The following ZNF514 variants were observed in gnomAD, a reference collection of about 807,000 sequenced individuals.
ZNF514 encodes zinc finger protein 514.
A neutral mutation model predicts 9.7 loss-of-function variants in ZNF514; 12 were observed. The observed-to-expected ratio is 1.24, with a 90% CI of 0.79 to 2.01. The LOEUF is 2.01. Ranked by LOEUF, ZNF514 falls within the 30% of genes most tolerant of loss-of-function variation. ZNF514 has a pLI of 0.00. For synonymous variants in ZNF514, 158 were observed against 163.7 expected (o/e 0.97, Z 0.27); for missense variants, 467 against 465.5 (o/e 1.00, Z -0.03).
downstream of ZNF514, among the ~76,000 whole-genome samples, chr2:95,144,818 G>C (rs1673321311): frequency 6.6e-6 from 1 of 152,066 alleles, no homozygotes; most frequent in South Asian, 2.1e-4. Flanking sequence ...GTGGGCTACT[G>C]TATCCTTAAC....
At chr2:95,128,460 G>A in the ZNF514 span, among the ~76,000 whole-genome samples, 2 of 151,964 alleles carry the variant, frequency 1.3e-5, no homozygotes, top group African/African-American at 4.8e-5. Context: ...GAGAGCTGAG[G>A]CAGGAGAATT....
At chr2:95,127,808 C>T in the ZNF514 span, among the ~76,000 whole-genome samples, 1 of 152,082 alleles carries the variant, frequency 6.6e-6, no homozygotes, top group Non-Finnish European at 1.5e-5. Context: ...AGGATTTTAG[C>T]CTGTTGGCCA....
chr2:95,125,859 G>A, the ZNF514 span, among the ~76,000 whole-genome samples: 3 of 152,134 alleles, frequency 2.0e-5, no homozygotes, highest in African/African-American at 7.2e-5. Flanking sequence ...CCATTCATCT[G>A]TCAATGGACA....
At chr2:95,141,571 T>C (rs974917010), downstream of ZNF514, among the ~76,000 whole-genome samples, 1 of 152,236 alleles carries the variant, frequency 6.6e-6, no homozygotes, top group African/African-American at 2.4e-5. Context: ...AACAGTCTTA[T>C]CACCAACAGG....
rs991838130 is a variant in ZNF514 at position 95,146,244 on chromosome 2, A to T, written c.*3038T>A. Among the ~76,000 whole-genome samples the T allele has an allele frequency of 2.6e-5, 4 of 152,248 alleles. No homozygotes were observed. Among genetic ancestry groups the T allele is most frequent in the Admixed American group, 6.5e-5 (1 of 15,284 alleles). On this transcript the variant is annotated 3_prime_UTR_variant, in exon 5 of 5. Coordinates refer to ENST00000295208, the MANE Select transcript of ZNF514 (RefSeq NM_032788.3). ...CAGGAAACAAGAAAGTGGTAAAGTG[A>T]TAAAAAATTATTTAAATAGATCAAG...
intron 3 of ZNF514, 142 bp downstream of exon 3, chr2:95,152,991 A>G (rs1673585748): frequency 1.7e-6 from 2 of 1,161,206 alleles, no homozygotes; most frequent in Non-Finnish European, 1.2e-6. Context: ...CTGGGCCCCA[A>G]AGAGAATGTA....
downstream of ZNF514, among the ~76,000 whole-genome samples, chr2:95,144,784 G>C (rs566921552): frequency 1.1e-4 from 17 of 152,286 alleles, 1 homozygote; most frequent in South Asian, 3.3e-3. Flanking sequence ...ATTCATGGCT[G>C]TTATCTGAAG....
intron 3 of ZNF514, 134 bp downstream of exon 3, chr2:95,152,999 G>T: frequency 8.2e-7 from 1 of 1,214,124 alleles, no homozygotes; most frequent in Non-Finnish European, 1.2e-6. Context: ...CAAAGAGAAT[G>T]TAAATGTCTG....
intron 2 of ZNF514, chr2:95,155,210 T>C (rs2104473916): frequency 6.6e-6 from 1 of 152,334 alleles, no homozygotes; most frequent in South Asian, 2.1e-4. Flanking sequence ...AGTATCATCT[T>C]CATATGACAC....
chr2:95,130,364 G>A, the ZNF514 span, among the ~76,000 whole-genome samples: 1 of 152,142 alleles, frequency 6.6e-6, no homozygotes, highest in Admixed American at 6.5e-5. Context: ...ATGAAGTTTC[G>A]GGCACCATTG....
intron 1 of ZNF514, 71 bp downstream of exon 1, chr2:95,159,169 C>T: frequency 7.7e-6 from 3 of 390,428 alleles, no homozygotes; most frequent in Non-Finnish European, 1.2e-5. Flanking sequence ...GGCCGGCAAA[C>T]CCCGGTGCGC....
chr2:95,138,116 A>G, the ZNF514 span, among the ~76,000 whole-genome samples: 1 of 152,224 alleles, frequency 6.6e-6, no homozygotes, highest in Non-Finnish European at 1.5e-5. Context: ...ACTATGAACC[A>G]GTTGAACCTC....
chr2:95,143,391 C>G (rs190344901), downstream of ZNF514, among the ~76,000 whole-genome samples: 4 of 152,042 alleles, frequency 2.6e-5, no homozygotes, highest in African/African-American at 4.8e-5. Flanking sequence ...GAGGCCGAGG[C>G]GGGTGAATCA....
At chr2:95,144,402 C>T (rs1361658859), downstream of ZNF514, among the ~76,000 whole-genome samples, 12 of 152,174 alleles carry the variant, frequency 7.9e-5, no homozygotes, top group African/African-American at 2.9e-4. Context: ...TTGAGTTCAA[C>T]TGTGAGGTCA....
chr2:95,153,435 T>G (rs1435213943), intron 2 of ZNF514, 176 bp from the exon 3 acceptor site: 10 of 503,940 alleles, frequency 2.0e-5, no homozygotes. Flanking sequence ...CTAGTTACAT[T>G]TAATTGGAAT....
chr2:95,150,224 C>A lies in ZNF514; in HGVS notation c.261G>T (p.Trp87Cys). The A allele has an allele frequency of 6.2e-7, 1 of 1,601,070 alleles. No individual in the cohort carries two copies. The highest frequency in any genetic ancestry group is 8.5e-7 in the Non-Finnish European group (1 of 1,176,798). Residue 87 changes from tryptophan to cysteine, a missense_variant, in exon 5 of 5, where the codon TGG becomes TGT. Trp to Cys is a radical substitution (Grantham distance 215). Coordinates refer to ENST00000295208, the MANE Select transcript of ZNF514 (RefSeq NM_032788.3). Reference sequence around the variant, plus strand: ...GGAATAATTCTTCTTTGGAAATTCCCCAACTTGGCATTGATTCCTTGGATT... The same window carrying A: ...GGAATAATTCTTCTTTGGAAATTCCACAACTTGGCATTGATTCCTTGGATT... ...RSKSKESMPS[W>C]GISKEELFQV...
chr2:95,135,007 T>C, the ZNF514 span, among the ~76,000 whole-genome samples: 1 of 152,248 alleles, frequency 6.6e-6, no homozygotes, highest in South Asian at 2.1e-4. Flanking sequence ...TATAGTAAGT[T>C]TTGAAATTAG....
At chr2:95,136,110 T>C in the ZNF514 span, among the ~76,000 whole-genome samples, 2 of 152,330 alleles carry the variant, frequency 1.3e-5, no homozygotes, top group East Asian at 3.9e-4. Context: ...TTATTCATTT[T>C]TGTATATTGA....
chr2:95,147,443 T>A lies in ZNF514; in HGVS notation c.*1839A>T, dbSNP rs1292428378. 1 of 152,198 alleles carries A rather than the reference T, an allele frequency of 6.6e-6. No individual in the cohort carries two copies. Among genetic ancestry groups the A allele is most frequent in the Non-Finnish European group, 1.5e-5 (1 of 68,040 alleles). 9.4% of individuals were successfully genotyped at this position (152,198 alleles called of 1,614,324 possible). A position where few individuals can be genotyped will look rare whatever the true frequency, so the allele number is the denominator to read the frequency against. On this transcript the variant is annotated 3_prime_UTR_variant, in exon 5 of 5. Coordinates refer to ENST00000295208, the MANE Select transcript of ZNF514 (RefSeq NM_032788.3). ...CCAAATCGTTCAACCATCACCACCA[T>A]CTAGTTTTAGAACATTTTCGTCACC...
Sources: allele counts gnomAD v4.1 joint callset (sites outside exome capture counted in the v4.1 genomes callset), GRCh38; gene constraint gnomAD v4.1.1; transcripts MANE v1.5; gene names NCBI Gene and HGNC (gene_info 2026-07-23, HGNC 2026-07-21).